TC2N: variants seen among roughly 807,000 people sequenced by gnomAD.
TC2N encodes the protein tandem C2 domains nuclear protein.
In TC2N, 51 loss-of-function variants were observed where a neutral mutation model predicts 61.9. The observed-to-expected ratio is 0.82, with a 90% CI of 0.66 to 1.04. The LOEUF is 1.04. Among genes scored for constraint, TC2N ranks in the 50% least tolerant of loss-of-function variants. The pLI is 0.00. For missense variants in TC2N, 556 were observed against 566.7 expected (o/e 0.98, Z 0.19); for synonymous variants, 204 against 192.6 (o/e 1.06, Z -0.49).
At chr14:91,854,746 G>T (rs1448644735) in intron 1 of TC2N, among the ~76,000 whole-genome samples, 1 of 152,046 alleles carries the variant, frequency 6.6e-6, no homozygotes, top group Non-Finnish European at 1.5e-5. Context: ...ACTGACAGAC[G>T]GACAGGTCCC....
At chr14:91,835,842 C>A (rs1595269006) in intron 1 of TC2N, among the ~76,000 whole-genome samples, 1 of 152,200 alleles carries the variant, frequency 6.6e-6, no homozygotes. Context: ...TCCCCAGAGC[C>A]CAGAAACCAC....
rs1885082641 is a variant in TC2N, at chr14:91,780,915, AGG to A, written c.*2183_*2184del. Reference sequence around the variant, plus strand: ...TAAGTAAACACTAATTAAAACATTTAGGATCTTAGTTGTATCAATACTTCTGT... The same window carrying A: ...TAAGTAAACACTAATTAAAACATTTAATCTTAGTTGTATCAATACTTCTGT... On this transcript the variant is annotated 3_prime_UTR_variant, in exon 12 of 12. Coordinates refer to ENST00000435962, the MANE Select transcript of TC2N (RefSeq NM_001128596.3). 6.6e-6 allele frequency: 1 copy of A among 152,132 alleles called. No individual in the cohort carries two copies. The highest frequency in any genetic ancestry group is 2.1e-4 in the South Asian group (1 of 4,836). The allele number at this position is 152,132 out of a possible 1,614,324, so 9.4% of individuals were successfully genotyped here.
chr14:91,841,944 T>C (rs1376976318), intron 1 of TC2N, among the ~76,000 whole-genome samples: 1 of 151,236 alleles, frequency 6.6e-6, no homozygotes, highest in East Asian at 1.9e-4. Context: ...AATAAGATTA[T>C]GCAGATTGTA....
Position 91,785,228 on chromosome 14 carries a change from T to C in TC2N, c.1296A>G (p.Lys432=). 1.9e-6 allele frequency: 3 copies of C among 1,613,678 alleles called. No individual in the cohort carries two copies. Among genetic ancestry groups the C allele is most frequent in the South Asian group, 2.2e-5 (2 of 91,056 alleles). ...TMIFPLIQSE[K]EIVFLIKLYS... is the part of the protein sequence containing the mutation. ...AAAGCTTAATGAGAAAAACAATTTC[T>C]TTTTCACTCTGTATAAGTGGAAAAA... The change falls in exon 11 of 12, where the codon AAA becomes AAG. Residue 432 remains lysine (K), a synonymous_variant. Transcript: ENST00000435962.
chr14:91,792,679 T>C (rs972746392), intron 8 of TC2N, 121 bp from the exon 9 acceptor site: 2 of 485,624 alleles, frequency 4.1e-6, no homozygotes, highest in African/African-American at 4.0e-5. Context: ...ACAAAACATC[T>C]TTTTAATGTG....
At chr14:91,792,262 C>T (rs2139830623) in intron 9 of TC2N, 105 bp downstream of exon 9, 1 of 585,726 alleles carries the variant, frequency 1.7e-6, no homozygotes. Context: ...GAGAGCCTTC[C>T]AGATCCTCTA....
chr14:91,819,080 A>G (rs372530085), intron 1 of TC2N, among the ~76,000 whole-genome samples: 2 of 152,324 alleles, frequency 1.3e-5, no homozygotes, highest in African/African-American at 4.8e-5. Context: ...ACACCACGCC[A>G]TAATAACATC....
At chr14:91,843,150 G>A (rs1475415345) in intron 1 of TC2N, among the ~76,000 whole-genome samples, 1 of 152,126 alleles carries the variant, frequency 6.6e-6, no homozygotes, top group Non-Finnish European at 1.5e-5. Flanking sequence ...CCCTAAAGCA[G>A]AGTCATGCCA....
chr14:91,831,804 A>G (rs116843042), intron 1 of TC2N, among the ~76,000 whole-genome samples: 1 of 152,188 alleles, frequency 6.6e-6, no homozygotes, highest in African/African-American at 2.4e-5. Flanking sequence ...AAAATTGAGA[A>G]GGTACAGAGA....
At chr14:91,785,019 C>T (rs4598831) in intron 11 of TC2N, 143 bp downstream of exon 11, 540,620 of 544,426 alleles carry the variant, frequency 0.99, 268,535 homozygotes, top group East Asian at 1. Flanking sequence ...TGACAAGTTT[C>T]GATTTTTGTA....
rs944402572 is a variant in TC2N at position 91,781,510 on chromosome 14, CT to C, written c.*1589del. On this transcript the variant is annotated 3_prime_UTR_variant, in exon 12 of 12. Coordinates refer to ENST00000435962, the MANE Select transcript of TC2N (RefSeq NM_001128596.3). ...CTTTGTCAGGGGAGAAAGGAAATCT[CT>C]ATCTTCCTCTCAATTTTTCTGTTAA... 3.0e-4 allele frequency: 46 copies of C among 151,938 alleles called. No individual in the cohort carries two copies. Among genetic ancestry groups the C allele is most frequent in the African/African-American group, 1.1e-3 (46 of 41,406 alleles). The allele number at this position is 151,938 out of a possible 1,614,324, so 9.4% of individuals were successfully genotyped here.
At chr14:91,814,632 T>A (rs1566775365) in intron 1 of TC2N, among the ~76,000 whole-genome samples, 4 of 150,080 alleles carry the variant, frequency 2.7e-5, no homozygotes, top group Non-Finnish European at 3.0e-5. Flanking sequence ...AGAAAAAACA[T>A]TCAAAGAAAC....
chr14:91,834,347 T>C (rs1354691430), intron 1 of TC2N, among the ~76,000 whole-genome samples: 6 of 152,240 alleles, frequency 3.9e-5, no homozygotes, highest in Non-Finnish European at 7.3e-5. Flanking sequence ...TGCTCTCAGC[T>C]TCTGCTACTT....
intron 1 of TC2N, among the ~76,000 whole-genome samples, chr14:91,830,111 C>T (rs1276648080): frequency 6.6e-6 from 1 of 152,168 alleles, no homozygotes; most frequent in Non-Finnish European, 1.5e-5. Flanking sequence ...TAAAATGGTG[C>T]AGCTGTTTTG....
chr14:91,825,067 GCT>G (rs1159719934), intron 1 of TC2N, among the ~76,000 whole-genome samples: 1 of 109,538 alleles, frequency 9.1e-6, no homozygotes, highest in Non-Finnish European at 1.7e-5. Context: ...ATGGAGTCTC[GCT>G]CTGTCATCCA....
intron 4 of TC2N, 140 bp from the exon 5 acceptor site, chr14:91,800,512 ATT>A (rs1328729352): frequency 1.4e-5 from 6 of 443,386 alleles, no homozygotes; most frequent in Non-Finnish European, 2.4e-5. Flanking sequence ...TCTAATAAAA[ATT>A]TTTTAAACTT....
chr14:91,789,142 G>A (rs960716119), intron 9 of TC2N, among the ~76,000 whole-genome samples: 10 of 152,052 alleles, frequency 6.6e-5, no homozygotes, highest in Non-Finnish European at 2.9e-5. Flanking sequence ...ACACGTAAAG[G>A]TGGCAAAACG....
intron 1 of TC2N, among the ~76,000 whole-genome samples, chr14:91,852,962 T>C (rs1888404460): frequency 6.6e-6 from 1 of 151,884 alleles, no homozygotes; most frequent in African/African-American, 2.4e-5. Context: ...TCCCAGCTAC[T>C]CGGGAGGCTG....
intron 1 of TC2N, among the ~76,000 whole-genome samples, chr14:91,817,100 A>T (rs1031363499): frequency 5.9e-5 from 9 of 151,992 alleles, no homozygotes; most frequent in African/African-American, 2.2e-4. Flanking sequence ...TTATTTTTTT[A>T]AAACTGACAT....
Sources: allele counts gnomAD v4.1 joint callset (sites outside exome capture counted in the v4.1 genomes callset), GRCh38; gene constraint gnomAD v4.1.1; transcripts MANE v1.5; gene names NCBI Gene and HGNC (gene_info 2026-07-23, HGNC 2026-07-21).